Variants in ERGIC1 observed in about 807,000 individuals in gnomAD.
The protein encoded by ERGIC1 is endoplasmic reticulum-Golgi intermediate compartment protein 1.
In ERGIC1, 19 loss-of-function variants were observed where a neutral mutation model predicts 38.3. The observed-to-expected ratio is 0.50, with a 90% CI of 0.35 to 0.73. ERGIC1 has a LOEUF of 0.73. ERGIC1 is among the 30% of genes least tolerant of loss of function. The probability of loss-of-function intolerance (pLI) is 0.01; values close to 1 mark genes in which losing one functional copy is unlikely to be tolerated. For missense variants in ERGIC1, 294 were observed against 389.2 expected, an observed-to-expected ratio of 0.76 and a Z score of 2.06; for synonymous variants, 124 against 157.6, an observed-to-expected ratio of 0.79 and a Z score of 1.60.
chr5:172,944,737 C>T (rs1181430208), intron 9 of ERGIC1, among the ~76,000 whole-genome samples: 1 of 152,216 alleles, frequency 6.6e-6, no homozygotes, highest in East Asian at 1.9e-4. Context: ...TGAGAGGAGT[C>T]CAAGCCAATT....
At chr5:172,892,060 ATGTTTTTTT>A (rs1211284457) in intron 2 of ERGIC1, among the ~76,000 whole-genome samples, 71 of 125,580 alleles carry the variant, frequency 5.7e-4, no homozygotes, top group Non-Finnish European at 9.6e-4. Context: ...GTTAAAGAGT[ATGTTTTTTT>A]TTTTTTTTTT....
intron 1 of ERGIC1, among the ~76,000 whole-genome samples, chr5:172,884,720 C>T (rs1383159801): frequency 6.6e-6 from 1 of 152,130 alleles, no homozygotes; most frequent in East Asian, 1.9e-4. Context: ...TGATTAGAAG[C>T]CAAGGTTTGG....
intron 3 of ERGIC1, among the ~76,000 whole-genome samples, chr5:172,905,706 C>T (rs1182601548): frequency 6.6e-6 from 1 of 151,134 alleles, no homozygotes; most frequent in Admixed American, 6.6e-5. Context: ...CGACTGCGAT[C>T]AGCACCACGA....
chr5:172,928,739 G>A (rs1349914194), intron 7 of ERGIC1, among the ~76,000 whole-genome samples: 1 of 152,002 alleles, frequency 6.6e-6, no homozygotes, highest in Non-Finnish European at 1.5e-5. Flanking sequence ...GTGGTGGAGT[G>A]CGGTCATGAG....
intron 3 of ERGIC1, chr5:172,897,842 A>G: frequency 2.4e-6 from 1 of 414,134 alleles, no homozygotes; most frequent in Non-Finnish European, 4.4e-6. Flanking sequence ...TCAGGCCCAC[A>G]CTTGGTGAGG....
At chr5:172,838,483 C>T (rs955120092) in intron 1 of ERGIC1, among the ~76,000 whole-genome samples, 1 of 152,144 alleles carries the variant, frequency 6.6e-6, no homozygotes, top group Admixed American at 6.5e-5. Flanking sequence ...CAGGATACCC[C>T]AGACCTCCTC....
At position 172,834,509 on chromosome 5, in the gene ERGIC1, T is replaced by C; in HGVS notation, c.20+76T>C. On this transcript the variant is annotated intron_variant, in intron 1 of 9. Coordinates refer to ENST00000393784, the MANE Select transcript of ERGIC1 (RefSeq NM_001031711.3). This position sits in a 1 kb window ranked among gnomAD's most constrained non-coding sequence, Gnocchi z 4.1. ...AGCGCCCCGGCACGCCGCGGACCCC[T>C]CCCGCCCTGCATGCAAAAGCGGCTC... 8.2e-7 allele frequency: 1 copy of C among 1,220,856 alleles called. No homozygotes were observed. The highest frequency in any genetic ancestry group is 3.2e-5 in the South Asian group (1 of 31,632). The allele number at this position is 1,220,856 out of a possible 1,614,324, so 75.6% of individuals were successfully genotyped here.
chr5:172,891,581 G>A (rs1473953791), intron 2 of ERGIC1, among the ~76,000 whole-genome samples: 6 of 151,722 alleles, frequency 4.0e-5, no homozygotes, highest in East Asian at 3.9e-4. Flanking sequence ...CTGGGACTAC[G>A]GATGCCCACC....
intron 9 of ERGIC1, among the ~76,000 whole-genome samples, chr5:172,945,969 C>G (rs1458319683): frequency 6.6e-6 from 1 of 152,212 alleles, no homozygotes. Flanking sequence ...CAGGCATGAG[C>G]CACTGCACCC....
Position 172,897,038 on chromosome 5 carries a change from T to A in ERGIC1, c.119T>A (p.Phe40Tyr). ...TGCTGCCTCTTCATCCTCTTCCTCTTCCTCTCGGAGCTCACCGGATTTATA... is the reference window on the plus strand; with the variant it reads ...TGCTGCCTCTTCATCCTCTTCCTCTACCTCTCGGAGCTCACCGGATTTATA... The part of the protein sequence containing the change: ...ICCCLFILFL[F>Y]LSELTGFITT... Residue 40 changes from phenylalanine to tyrosine, a missense_variant, in exon 3 of 10, where the codon TTC becomes TAC. This residue lies in a region of ERGIC1 where 163 missense variants were observed against 225.8 expected (regional missense o/e 0.72). Coordinates refer to ENST00000393784, the MANE Select transcript of ERGIC1 (RefSeq NM_001031711.3). The A allele has an allele frequency of 6.2e-7, 1 of 1,614,102 alleles. No individual in the cohort carries two copies. Among genetic ancestry groups the A allele is most frequent in the Non-Finnish European group, 8.5e-7 (1 of 1,179,972 alleles).
rs139151095 is a variant in ERGIC1, at chr5:172,910,671, C to T, written c.250+910C>T. On this transcript the variant is annotated intron_variant, in intron 4 of 9. Transcript: ENST00000393784. ...TCCCGAGTAGCTGGGATTACAGGTG[C>T]GCACCACCATGCCAAGCTAATTTTT... 7.0e-3 allele frequency among the ~76,000 whole-genome samples: 1,067 copies of T among 151,976 alleles called. 8 individuals carry two copies. The highest frequency in any genetic ancestry group is 0.024 in the African/African-American group (1,011 of 41,408).
intron 2 of ERGIC1, among the ~76,000 whole-genome samples, chr5:172,889,838 A>G (rs1028669084): frequency 6.6e-6 from 1 of 152,228 alleles, no homozygotes; most frequent in African/African-American, 2.4e-5. Flanking sequence ...CAAAAACCTG[A>G]AATCCAAAAT....
intron 1 of ERGIC1, among the ~76,000 whole-genome samples, chr5:172,836,369 G>A (rs1242224526): frequency 6.6e-6 from 1 of 152,212 alleles, no homozygotes; most frequent in Non-Finnish European, 1.5e-5. Context: ...AAGCTGGCTA[G>A]TCTGGGGCTC....
intron 1 of ERGIC1, among the ~76,000 whole-genome samples, chr5:172,842,814 G>GA (rs1761191340): frequency 1.3e-5 from 2 of 152,328 alleles, no homozygotes; most frequent in South Asian, 4.1e-4. Flanking sequence ...CTTGTTTGGA[G>GA]AAATATCCAT....
At position 172,834,580 on chromosome 5, in the gene ERGIC1, G is replaced by C. The variant is rs1760984014; in HGVS notation, c.20+147G>C. 2 of 534,984 alleles carry C rather than the reference G, an allele frequency of 3.7e-6. No individual in the cohort carries two copies. Among genetic ancestry groups the C allele is most frequent in the Non-Finnish European group, 5.2e-6 (2 of 384,570 alleles). The allele number at this position is 534,984 out of a possible 1,614,324, so 33.1% of individuals were successfully genotyped here. On this transcript the variant is annotated intron_variant, in intron 1 of 9. Coordinates refer to ENST00000393784, the MANE Select transcript of ERGIC1 (RefSeq NM_001031711.3). This position sits in a 1 kb window ranked among gnomAD's most constrained non-coding sequence, Gnocchi z 4.1. ...GCAGGCCCCTAGGGACCCCAGGCGA[G>C]CCCCCCCCCTGCCGCACACGAAGCC...
intron 9 of ERGIC1, among the ~76,000 whole-genome samples, chr5:172,940,250 C>T (rs1396355419): frequency 1.3e-5 from 2 of 152,176 alleles, no homozygotes; most frequent in African/African-American, 4.8e-5. Flanking sequence ...TAGCCTACAA[C>T]AGTTTTTCCT....
intron 5 of ERGIC1, chr5:172,920,646 G>C (rs374339489): frequency 3.5e-6 from 2 of 570,814 alleles, no homozygotes; most frequent in South Asian, 2.0e-5. Context: ...TGGTGTGGAG[G>C]GGGAGTGGGT....
At chr5:172,890,396 C>T (rs1420111661) in intron 2 of ERGIC1, among the ~76,000 whole-genome samples, 1 of 152,196 alleles carries the variant, frequency 6.6e-6, no homozygotes, top group African/African-American at 2.4e-5. Flanking sequence ...GAACAGAAAT[C>T]TGGAGTTTGT....
intron 3 of ERGIC1, chr5:172,905,996 C>T (rs776880418): frequency 1.8e-5 from 8 of 452,458 alleles, no homozygotes; most frequent in African/African-American, 8.0e-5. Context: ...GTTAGAAGCC[C>T]GGTGTTTAAA....
Sources: gnomAD v4.1 joint callset for allele counts (sites outside exome capture counted in the v4.1 genomes callset) on GRCh38, gnomAD v4.1.1 for gene constraint, gnomAD v4.1.1 regional missense constraint, Gnocchi (gnomAD v3.1) non-coding constraint, MANE v1.5 for transcripts, NCBI Gene and HGNC (gene_info 2026-07-23, HGNC 2026-07-21) for gene names.